The following SAMMSON variants were observed in gnomAD, a reference collection of about 807,000 sequenced individuals.
SAMMSON encodes long intergenic non-protein coding RNA 1212.
intron 4 of SAMMSON, among the ~76,000 whole-genome samples, chr3:70,246,216 T>A (rs1701707406): frequency 6.6e-6 from 1 of 152,052 alleles, no homozygotes; most frequent in African/African-American, 2.4e-5. Flanking sequence ...CATTTTTAAT[T>A]TTTGATATTT....
At chr3:70,031,664 T>C (rs1479060981) in intron 3 of SAMMSON, among the ~76,000 whole-genome samples, 4 of 151,898 alleles carry the variant, frequency 2.6e-5, no homozygotes, top group African/African-American at 7.3e-5. Context: ...TTTTAACAGA[T>C]GGCAAACATT....
chr3:70,122,882 T>C (rs77314080), intron 4 of SAMMSON, among the ~76,000 whole-genome samples: 29 of 152,346 alleles, frequency 1.9e-4, no homozygotes, highest in African/African-American at 7.0e-4. Flanking sequence ...CTTACTGTTC[T>C]CGAATGTCTT....
At chr3:70,001,862 A>G (rs762125842) in intron 1 of SAMMSON, among the ~76,000 whole-genome samples, 112 of 152,312 alleles carry the variant, frequency 7.4e-4, no homozygotes, top group Non-Finnish European at 1.4e-3. Context: ...CCTGATGCCC[A>G]GTGGTCTAGG....
chr3:70,007,265 C>G (rs529255253), intron 1 of SAMMSON, among the ~76,000 whole-genome samples: 2 of 152,184 alleles, frequency 1.3e-5, no homozygotes, highest in Non-Finnish European at 1.5e-5. Flanking sequence ...GTCCCAACAA[C>G]AGTGTAAAAG....
intron 9 of SAMMSON, among the ~76,000 whole-genome samples, chr3:70,388,187 G>C (rs1032425039): frequency 6.6e-6 from 1 of 152,100 alleles, no homozygotes; most frequent in Non-Finnish European, 1.5e-5. Context: ...AAGCAGGATT[G>C]AGCAAACTGT....
At chr3:70,260,578 A>G (rs1048257805) in intron 6 of SAMMSON, among the ~76,000 whole-genome samples, 1 of 151,996 alleles carries the variant, frequency 6.6e-6, no homozygotes, top group Non-Finnish European at 1.5e-5. Context: ...GAAGGTCTGC[A>G]TATTTTATTT....
chr3:70,166,824 A>G (rs903802711), intron 4 of SAMMSON, among the ~76,000 whole-genome samples: 32 of 151,952 alleles, frequency 2.1e-4, no homozygotes, highest in African/African-American at 7.5e-4. Context: ...GGTTTGTACA[A>G]TAAGTGTCAA....
chr3:70,432,201 T>A lies in SAMMSON; in HGVS notation n.234-30359T>A, dbSNP rs530077047. 3.3e-5 allele frequency among the ~76,000 whole-genome samples: 5 copies of A among 150,892 alleles called. No homozygotes were observed. The East Asian group carries it at 7.7e-4, about 23-fold the overall frequency. ...TCCAGTTTCTCTATATTCTCAACAATTTTTTTTTAATATTAGCCTTTCTTA... is the reference window on the plus strand; with the variant it reads ...TCCAGTTTCTCTATATTCTCAACAAATTTTTTTTAATATTAGCCTTTCTTA... On this transcript the variant is annotated intron_variant and non_coding_transcript_variant, in intron 2 of 3. Coordinates refer to the SAMMSON transcript ENST00000641053.
At chr3:70,104,013 T>C (rs535093577) in intron 4 of SAMMSON, among the ~76,000 whole-genome samples, 1 of 150,588 alleles carries the variant, frequency 6.6e-6, no homozygotes, top group South Asian at 2.1e-4. Flanking sequence ...TTTTTTTTCC[T>C]ATCATAGATT....
intron 4 of SAMMSON, among the ~76,000 whole-genome samples, chr3:70,234,176 T>C (rs577095933): frequency 2.6e-5 from 4 of 152,312 alleles, no homozygotes; most frequent in Admixed American, 2.0e-4. Context: ...TGACTTAGGA[T>C]TGGGTATGAG....
At chr3:70,284,503 C>T (rs570521047) in intron 6 of SAMMSON, among the ~76,000 whole-genome samples, 3 of 152,046 alleles carry the variant, frequency 2.0e-5, no homozygotes, top group Admixed American at 2.0e-4. Flanking sequence ...AACCTAAATG[C>T]CCATCAATGA....
chr3:70,015,775 C>T (rs907082720), intron 3 of SAMMSON, among the ~76,000 whole-genome samples: 3 of 152,126 alleles, frequency 2.0e-5, no homozygotes, highest in African/African-American at 4.8e-5. Context: ...CAAGTGTTCT[C>T]ATTGTTCAAT....
chr3:70,409,815 A>AT (rs1185045037), intron 2 of SAMMSON, among the ~76,000 whole-genome samples: 3 of 152,106 alleles, frequency 2.0e-5, no homozygotes, highest in Non-Finnish European at 4.4e-5. Context: ...ATTTTCATGT[A>AT]TTTTTTTAAA....
In SAMMSON at chr3:70,268,810, TAC is replaced by T. The variant is rs534697972; in HGVS notation, n.674+19142_674+19143del. ...GCATCATAAATATTTTTCCTTCATC[TAC>T]AAAACAAACTATTCTTACTAAATAT... is the stretch of plus-strand genomic sequence containing the variant. On this transcript the variant is annotated intron_variant and non_coding_transcript_variant, in intron 6 of 9. Transcript: ENST00000642114. Among the ~76,000 whole-genome samples, 42 of 152,330 alleles carry T rather than the reference TAC, an allele frequency of 2.8e-4. No individual in the cohort carries two copies. The South Asian group carries it at 5.8e-3, about 21-fold the overall frequency.
intron 9 of SAMMSON, among the ~76,000 whole-genome samples, chr3:70,359,921 G>A (rs1702859035): frequency 6.6e-6 from 1 of 152,060 alleles, no homozygotes; most frequent in South Asian, 2.1e-4. Context: ...AGGTTGAGTT[G>A]GTGGCGAATT....
intron 9 of SAMMSON, among the ~76,000 whole-genome samples, chr3:70,369,520 CTTT>C (rs71126500): frequency 6.9e-6 from 1 of 145,130 alleles, no homozygotes; most frequent in Non-Finnish European, 1.5e-5. Flanking sequence ...CTTTTATATT[CTTT>C]TTTTTTTTGC....
At chr3:70,245,257 GA>G (rs1255237743) in intron 4 of SAMMSON, among the ~76,000 whole-genome samples, 2 of 151,880 alleles carry the variant, frequency 1.3e-5, no homozygotes, top group Non-Finnish European at 1.5e-5. Context: ...ATGAGAATTA[GA>G]AAAAAACCAA....
intron 9 of SAMMSON, among the ~76,000 whole-genome samples, chr3:70,369,412 G>T (rs972378776): frequency 6.6e-6 from 1 of 151,580 alleles, no homozygotes; most frequent in Non-Finnish European, 1.5e-5. Flanking sequence ...CTCTCAAAAT[G>T]CTTGTTGTTA....
At chr3:70,045,942 G>A (rs148216120) in intron 3 of SAMMSON, among the ~76,000 whole-genome samples, 5 of 152,014 alleles carry the variant, frequency 3.3e-5, no homozygotes, top group African/African-American at 1.2e-4. Flanking sequence ...AACGAGAAAC[G>A]CAAGGAGAAA....
Sources: allele counts gnomAD v4.1 joint callset (sites outside exome capture counted in the v4.1 genomes callset), GRCh38; gene constraint gnomAD v4.1.1; transcripts MANE v1.5; gene names NCBI Gene and HGNC (gene_info 2026-07-23, HGNC 2026-07-21).